The following PLEKHD1 variants were observed in gnomAD, a reference collection of about 807,000 sequenced individuals.
PLEKHD1 encodes the protein pleckstrin homology and coiled-coil domain containing D1.
A neutral mutation model predicts 69.2 loss-of-function variants in PLEKHD1; 51 were observed. The ratio of observed to expected loss-of-function variants is 0.74; its 90% CI spans 0.59 to 0.93. The LOEUF (loss-of-function observed/expected upper bound fraction) is 0.93, where lower values mean the gene tolerates loss of function less well. PLEKHD1 is among the 40% of genes least tolerant of loss of function. The pLI, the probability that PLEKHD1 is intolerant of heterozygous loss-of-function variation, is 0.00. For synonymous variants in PLEKHD1, 236 were observed against 244.7 expected (o/e 0.96, Z 0.33); for missense variants, 584 against 641.0 (o/e 0.91, Z 0.96).
intron 1 of PLEKHD1, among the ~76,000 whole-genome samples, chr14:69,494,073 T>C (rs1339457564): frequency 6.6e-6 from 1 of 151,842 alleles, no homozygotes; most frequent in Non-Finnish European, 1.5e-5. Flanking sequence ...CAGGGGAGAG[T>C]GCAGCTTATT....
At chr14:69,498,146 G>A (rs1197135126) in intron 1 of PLEKHD1, among the ~76,000 whole-genome samples, 1 of 148,088 alleles carries the variant, frequency 6.8e-6, no homozygotes, top group Non-Finnish European at 1.5e-5. Context: ...GTGCAATGAT[G>A]TTATCTCTGC....
chr14:69,500,519 A>C (rs1472263591), intron 2 of PLEKHD1, 58 bp from the exon 3 acceptor site: 1 of 1,434,324 alleles, frequency 7.0e-7, no homozygotes, highest in Non-Finnish European at 9.4e-7. Flanking sequence ...GGCCCCCAGA[A>C]CCCCTGAGTG....
intron 6 of PLEKHD1, among the ~76,000 whole-genome samples, 175 bp from the exon 7 acceptor site, chr14:69,522,108 G>A (rs1357654914): frequency 6.6e-6 from 1 of 152,178 alleles, no homozygotes; most frequent in Non-Finnish European, 1.5e-5. Flanking sequence ...GGTTTGTCAG[G>A]ACTACATATC....
upstream of PLEKHD1, among the ~76,000 whole-genome samples, chr14:69,481,402 T>C (rs1202179475): frequency 6.6e-6 from 1 of 152,212 alleles, no homozygotes; most frequent in African/African-American, 2.4e-5. Context: ...GTAGAATTGC[T>C]TTGTCAGTTC....
rs912159633 is a variant in PLEKHD1, at chr14:69,500,896, C to T, written c.359C>T (p.Ser120Leu). The T allele has an allele frequency of 1.2e-5, 18 of 1,551,524 alleles. No homozygotes were observed. The East Asian group carries it at 1.5e-4, about 13-fold the overall frequency. ...GGGAACATCTTGCTTGCTGCTGAGT[C>T]GGAGTTTGAGCAGACCCAGTGGCTG... ...FHGNILLAAE[S>L]EFEQTQWLEM... The change falls in exon 4 of 13, where the codon TCG becomes TTG. Residue 120 changes from serine (S) to leucine (L), a missense_variant. Physicochemically the swap from Ser to Leu is moderately radical, Grantham distance 145 (BLOSUM62 -2). Coordinates refer to ENST00000322564, the MANE Select transcript of PLEKHD1 (RefSeq NM_001161498.2).
At chr14:69,521,167 G>A (rs914356347) in intron 6 of PLEKHD1, among the ~76,000 whole-genome samples, 51 of 152,112 alleles carry the variant, frequency 3.4e-4, no homozygotes, top group African/African-American at 1.1e-3. Flanking sequence ...TAATACCAGT[G>A]AGCAGTGAGC....
intron 1 of PLEKHD1, among the ~76,000 whole-genome samples, chr14:69,495,714 A>G (rs1217209853): frequency 6.6e-6 from 1 of 152,206 alleles, no homozygotes; most frequent in Non-Finnish European, 1.5e-5. Context: ...TTCCTGCCTC[A>G]GGGCCTTTGC....
chr14:69,489,117 A>G (rs1882716997), intron 1 of PLEKHD1, among the ~76,000 whole-genome samples: 1 of 152,250 alleles, frequency 6.6e-6, no homozygotes, highest in Admixed American at 6.5e-5. Flanking sequence ...CTCCCTGAGG[A>G]GCTGCCCTCC....
At chr14:69,504,675 C>T (rs1403806392) in intron 6 of PLEKHD1, among the ~76,000 whole-genome samples, 1 of 152,104 alleles carries the variant, frequency 6.6e-6, no homozygotes, top group Non-Finnish European at 1.5e-5. Context: ...TTTTATCCTT[C>T]CAGCTGGACT....
intron 6 of PLEKHD1, among the ~76,000 whole-genome samples, chr14:69,519,459 C>T (rs1023229710): frequency 6.6e-6 from 1 of 152,078 alleles, no homozygotes; most frequent in African/African-American, 2.4e-5. Flanking sequence ...TTTCACAGAG[C>T]AATAAATGCT....
upstream of PLEKHD1, among the ~76,000 whole-genome samples, chr14:69,482,893 TAAAAA>T (rs200607778): frequency 7.7e-6 from 1 of 129,794 alleles, no homozygotes; most frequent in Non-Finnish European, 1.6e-5. Context: ...CCCATCTCTC[TAAAAA>T]AAAAAAAAGA....
At chr14:69,511,159 G>C (rs1009243582) in intron 6 of PLEKHD1, among the ~76,000 whole-genome samples, 1 of 151,490 alleles carries the variant, frequency 6.6e-6, no homozygotes, top group Non-Finnish European at 1.5e-5. Context: ...TTGTTTGTTT[G>C]TTGTTTGTTT....
intron 6 of PLEKHD1, among the ~76,000 whole-genome samples, chr14:69,515,330 C>G (rs1466275432): frequency 6.6e-6 from 1 of 152,162 alleles, no homozygotes; most frequent in African/African-American, 2.4e-5. Context: ...AGGAGGCCTC[C>G]CTAAGATTGG....
At chr14:69,500,055 T>A in intron 1 of PLEKHD1, 60 bp from the exon 2 acceptor site, 2 of 1,243,398 alleles carry the variant, frequency 1.6e-6, no homozygotes, top group Non-Finnish European at 2.3e-6. Flanking sequence ...GCTCTTGTTG[T>A]CCCAAGAAAC....
intron 1 of PLEKHD1, among the ~76,000 whole-genome samples, chr14:69,496,003 A>G (rs1303561932): frequency 1.3e-5 from 2 of 152,212 alleles, no homozygotes; most frequent in Admixed American, 1.3e-4. Flanking sequence ...CAACACCTAG[A>G]GCAGTGCTTG....
At chr14:69,526,549 C>T in intron 9 of PLEKHD1, 148 bp from the exon 10 acceptor site, 12 of 914,970 alleles carry the variant, frequency 1.3e-5, no homozygotes, top group Non-Finnish European at 1.7e-5. Flanking sequence ...ATCTCATCCC[C>T]TGGGTGCCTG....
the PLEKHD1 span, among the ~76,000 whole-genome samples, chr14:69,468,424 T>G: frequency 6.6e-6 from 1 of 152,218 alleles, no homozygotes; most frequent in Non-Finnish European, 1.5e-5. Flanking sequence ...CAGAAAATTA[T>G]ACCCTCAAAT....
chr14:69,504,402 A>T (rs781278877), intron 6 of PLEKHD1, among the ~76,000 whole-genome samples: 1 of 152,162 alleles, frequency 6.6e-6, no homozygotes, highest in Non-Finnish European at 1.5e-5. Flanking sequence ...ACTCTTAGGA[A>T]GTCCTCAGTT....
the PLEKHD1 span, among the ~76,000 whole-genome samples, chr14:69,478,906 C>T: frequency 6.6e-6 from 1 of 152,128 alleles, no homozygotes; most frequent in African/African-American, 2.4e-5. Context: ...TTCAGCAGCA[C>T]CCTACTCTAC....
Sources: allele counts gnomAD v4.1 joint callset (sites outside exome capture counted in the v4.1 genomes callset), GRCh38; gene constraint gnomAD v4.1.1; transcripts MANE v1.5; gene names NCBI Gene and HGNC (gene_info 2026-07-23, HGNC 2026-07-21).